Variants in GTF3C3 observed in about 807,000 individuals in gnomAD.
The protein encoded by GTF3C3 is general transcription factor IIIC subunit 3.
GTF3C3 carries 75 observed loss-of-function variants against 105.2 expected under a neutral mutation model. The observed-to-expected ratio is 0.71, with a 90% CI of 0.59 to 0.86. The LOEUF is 0.86. GTF3C3 is among the 40% of genes least tolerant of loss of function. The pLI is 0.00. For missense variants in GTF3C3, 856 were observed against 1,076.5 expected (o/e 0.80, Z 2.87); for synonymous variants, 335 against 370.4 (o/e 0.90, Z 1.10).
At position 196,784,945 on chromosome 2, in the gene GTF3C3, A is replaced by G; in HGVS notation, c.1042-16T>C. The G allele has an allele frequency of 6.6e-7, 1 of 1,519,024 alleles. No homozygotes were observed. The highest frequency in any genetic ancestry group is 9.1e-7 in the Non-Finnish European group (1 of 1,098,296). 94.1% of individuals were successfully genotyped at this position (1,519,024 alleles called of 1,614,324 possible). A position where few individuals can be genotyped will look rare whatever the true frequency, so the allele number is the denominator to read the frequency against. ...CTGTAATTATCTAAAAGAATGGGAA[A>G]GAAGAAAGGAAATAAAATATGTGTG... On this transcript the variant is annotated splice_polypyrimidine_tract_variant and intron_variant, in intron 7 of 17. Transcript: ENST00000263956.
rs200014271 is a variant in GTF3C3 at position 196,793,683 on chromosome 2, A to AGT, written c.215-533_215-532dup. Among the ~76,000 whole-genome samples, 8 of 152,016 alleles carry AGT rather than the reference A, an allele frequency of 5.3e-5. No homozygotes were observed. In the South Asian group the frequency reaches 6.2e-4, roughly 12 times the overall value. On this transcript the variant is annotated intron_variant, in intron 2 of 17. Transcript: ENST00000263956. ...CTACTCTGAGGACAAAATGAGTGTG[A>AGT]GTGTGTGTGTGTATATATACACTTA...
intron 12 of GTF3C3, among the ~76,000 whole-genome samples, chr2:196,775,579 T>C (rs959705134): frequency 6.6e-6 from 1 of 152,208 alleles, no homozygotes; most frequent in African/African-American, 2.4e-5. Flanking sequence ...TTGGGTCACA[T>C]TCCTCACCTC....
intron 9 of GTF3C3, among the ~76,000 whole-genome samples, chr2:196,779,537 T>C (rs990409954): frequency 1.3e-5 from 2 of 152,166 alleles, no homozygotes; most frequent in African/African-American, 4.8e-5. Flanking sequence ...GTGAACACAT[T>C]TTGTGGATCT....
Position 196,764,281 on chromosome 2 carries a change from G to A in GTF3C3, c.*282C>T, listed in dbSNP as rs1699020542. 4.3e-6 allele frequency: 1 copy of A among 232,638 alleles called. No individual in the cohort carries two copies. The highest frequency in any genetic ancestry group is 8.4e-6 in the Non-Finnish European group (1 of 118,944). The allele number at this position is 232,638 out of a possible 1,614,324, so 14.4% of individuals were successfully genotyped here. A position where few individuals can be genotyped will look rare whatever the true frequency, so the allele number is the denominator to read the frequency against. ...GGTGTGAGTGAAAAATAGTGTATTC[G>A]ACTCCAAGCTAGCTCAAAGGCTTAC... is the stretch of plus-strand genomic sequence containing the variant. On this transcript the variant is annotated 3_prime_UTR_variant, in exon 18 of 18. Coordinates refer to ENST00000263956, the MANE Select transcript of GTF3C3 (RefSeq NM_012086.5).
In GTF3C3 at chr2:196,763,224, T is replaced by C. The variant is rs1163205139; in HGVS notation, c.*1339A>G. On this transcript the variant is annotated 3_prime_UTR_variant, in exon 18 of 18. Coordinates refer to ENST00000263956, the MANE Select transcript of GTF3C3 (RefSeq NM_012086.5). ...TGATTTTAAAAGCTAAACAAAACTA[T>C]ACAATATCAGCTGGTTTTTTTTTCC... The C allele has an allele frequency of 1.3e-5, 2 of 152,166 alleles. No individual in the cohort carries two copies. The highest frequency in any genetic ancestry group is 2.9e-5 in the Non-Finnish European group (2 of 68,032). The allele number at this position is 152,166 out of a possible 1,614,324, so 9.4% of individuals were successfully genotyped here.
intron 14 of GTF3C3, among the ~76,000 whole-genome samples, chr2:196,772,496 C>T (rs1033117714): frequency 6.6e-6 from 1 of 151,984 alleles, no homozygotes; most frequent in Non-Finnish European, 1.5e-5. Context: ...TGCGGTGAGC[C>T]GAGACTGTGT....
Position 196,793,115 on chromosome 2 carries a change from C to G in GTF3C3, c.252G>C (p.Lys84Asn). The G allele has an allele frequency of 6.2e-7, 1 of 1,613,740 alleles. No homozygotes were observed. The highest frequency in any genetic ancestry group is 8.5e-7 in the Non-Finnish European group (1 of 1,179,764). Residue 84 changes from lysine (K) to asparagine (N), a missense_variant, in exon 3 of 18, where the codon AAG becomes AAC. By Grantham distance (94) the Lys-to-Asn change is moderately conservative. This residue lies in a region of GTF3C3 where 117 missense variants were observed against 114.0 expected (regional missense o/e 1.03). Coordinates refer to ENST00000263956, the MANE Select transcript of GTF3C3 (RefSeq NM_012086.5). ...TSDGVRKSVH[K>N]VFASMLGENE... is the part of the protein sequence containing the mutation. Reference sequence around the variant, plus strand: ...TCTCTCCAAGCATGGAAGCAAAGACCTTGTGAACTGACTTCCTCACTCCAT... The same window carrying G: ...TCTCTCCAAGCATGGAAGCAAAGACGTTGTGAACTGACTTCCTCACTCCAT...
At chr2:196,767,222 G>C (rs1275497995) in intron 16 of GTF3C3, among the ~76,000 whole-genome samples, 1 of 152,070 alleles carries the variant, frequency 6.6e-6, no homozygotes, top group Admixed American at 6.5e-5. Flanking sequence ...AAAAAAACTG[G>C]ATTTTTTTCT....
At chr2:196,765,827 G>A (rs991278894) in intron 17 of GTF3C3, among the ~76,000 whole-genome samples, 5 of 151,548 alleles carry the variant, frequency 3.3e-5, no homozygotes, top group East Asian at 1.9e-4. Flanking sequence ...TGGTTAACAT[G>A]GTGAAACCCC....
intron 3 of GTF3C3, among the ~76,000 whole-genome samples, chr2:196,792,542 TGTTA>T (rs1245379236): frequency 6.6e-6 from 1 of 152,250 alleles, no homozygotes; most frequent in East Asian, 1.9e-4. Context: ...TCTGTGTGTG[TGTTA>T]GATTCTACCT....
Position 196,780,615 on chromosome 2 carries a change from TATCTATTG to T in GTF3C3, c.1154_1161del (p.Pro385HisfsTer16). On this transcript the variant is annotated frameshift_variant, in exon 9 of 18. Transcript: ENST00000263956. LOFTEE classifies it high-confidence loss of function. ...AGGCAGACCATCAACTTCACTGTGA[TATCTATTG>T]GCACGCCATCAGGTATAGTGCAGGT... is the stretch of plus-strand genomic sequence containing the variant. 5.6e-6 allele frequency: 9 copies of T among 1,613,592 alleles called. No individual in the cohort carries two copies. Among genetic ancestry groups the T allele is most frequent in the Non-Finnish European group, 7.6e-6 (9 of 1,179,656 alleles).
rs1389486563 is a variant in GTF3C3 at position 196,778,160 on chromosome 2, C to G, written c.1390+736G>C. The stretch of plus-strand genomic sequence containing the variant: ...TTAAGAGCCATTAGTTTTCTGCCAT[C>G]ACATAGTATTTGAAACCAAGACTAT... On this transcript the variant is annotated intron_variant, in intron 10 of 17. Transcript: ENST00000263956. The G allele has an allele frequency of 2.6e-5, 4 of 152,306 alleles. No individual in the cohort carries two copies. In the East Asian group the frequency reaches 5.8e-4, roughly 22 times the overall value. The allele number at this position is 152,306 out of a possible 1,614,324, so 9.4% of individuals were successfully genotyped here. A position where few individuals can be genotyped will look rare whatever the true frequency, so the allele number is the denominator to read the frequency against.
At chr2:196,765,176 GA>G in intron 17 of GTF3C3, among the ~76,000 whole-genome samples, 1 of 152,274 alleles carries the variant, frequency 6.6e-6, no homozygotes, top group East Asian at 1.9e-4. Flanking sequence ...GTAGGTTTAG[GA>G]GGGATACAAC....
At chr2:196,783,870 G>A (rs529712854) in intron 8 of GTF3C3, among the ~76,000 whole-genome samples, 217 of 152,154 alleles carry the variant, frequency 1.4e-3, no homozygotes, top group African/African-American at 4.9e-3. Context: ...ACTCATCTGC[G>A]TAGTCTCCAC....
chr2:196,792,664 G>T lies in GTF3C3; in HGVS notation c.411+292C>A, dbSNP rs187711773. Among the ~76,000 whole-genome samples, 652 of 152,128 alleles carry T rather than the reference G, an allele frequency of 4.3e-3. 24 individuals are homozygous for T. The highest frequency in any genetic ancestry group is 0.039 in the Admixed American group (598 of 15,272). ...ACTGTATTTAATTTTTTGAGACAGG[G>T]TCTTGTTCTGACACCTAGGCTGAAG... On this transcript the variant is annotated intron_variant, in intron 3 of 17. Transcript: ENST00000263956.
chr2:196,799,668 G>A lies in GTF3C3; in HGVS notation c.-57C>T. ...ACCGGGACAGAGAACCGGAAGAGCA[G>A]CGCCTTCCAGAAGCTACCTCGCCGG... is the stretch of plus-strand genomic sequence containing the variant. On this transcript the variant is annotated 5_prime_UTR_variant, in exon 1 of 18. Coordinates refer to ENST00000263956, the MANE Select transcript of GTF3C3 (RefSeq NM_012086.5). 6 of 1,278,552 alleles carry A rather than the reference G, an allele frequency of 4.7e-6. No individual in the cohort carries two copies. The highest frequency in any genetic ancestry group is 5.7e-6 in the Non-Finnish European group (5 of 877,876). 79.2% of individuals were successfully genotyped at this position (1,278,552 alleles called of 1,614,324 possible).
At chr2:196,793,246 T>C in intron 2 of GTF3C3, 94 bp from the exon 3 acceptor site, 1 of 846,230 alleles carries the variant, frequency 1.2e-6, no homozygotes. Context: ...TTTACCCCAG[T>C]AACACCAAAT....
chr2:196,777,458 C>A lies in GTF3C3; in HGVS notation c.1391-829G>T, dbSNP rs141538522. On this transcript the variant is annotated intron_variant, in intron 10 of 17. Transcript: ENST00000263956. ...CAATCAATACATGCGATCATTTGAA[C>A]GTGAAAACAAGTCTCTGTGAGCATT... is the stretch of plus-strand genomic sequence containing the variant. Among the ~76,000 whole-genome samples the A allele has an allele frequency of 1.1e-3, 167 of 152,294 alleles. No homozygotes were observed. The East Asian group carries it at 0.019, about 17-fold the overall frequency.
chr2:196,763,630 C>T lies in GTF3C3; in HGVS notation c.*933G>A, dbSNP rs2125735339. The stretch of plus-strand genomic sequence containing the variant: ...TTGATCCTAAGCCTCTACTTGTTTC[C>T]CTCCCACAATTGGGCTGGGTGTTAC... On this transcript the variant is annotated 3_prime_UTR_variant, in exon 18 of 18. Coordinates refer to ENST00000263956, the MANE Select transcript of GTF3C3 (RefSeq NM_012086.5). The T allele has an allele frequency of 6.6e-6, 1 of 152,096 alleles. No individual in the cohort carries two copies. The highest frequency in any genetic ancestry group is 2.1e-4 in the South Asian group (1 of 4,822). The allele number at this position is 152,096 out of a possible 1,614,324, so 9.4% of individuals were successfully genotyped here.
Sources: allele counts gnomAD v4.1 joint callset (sites outside exome capture counted in the v4.1 genomes callset), GRCh38; gene constraint gnomAD v4.1.1; regional missense constraint gnomAD v4.1.1; transcripts MANE v1.5; gene names NCBI Gene and HGNC (gene_info 2026-07-23, HGNC 2026-07-21).